Variants in DAPK1 observed in about 807,000 individuals in gnomAD.
DAPK1 encodes the protein death-associated protein kinase 1.
A neutral mutation model predicts 144.9 loss-of-function variants in DAPK1; 56 were observed. That is an observed-to-expected ratio of 0.39 (90% confidence interval 0.31 to 0.48). The LOEUF is 0.48. Ranked by LOEUF, DAPK1 falls within the 20% of genes least tolerant of loss-of-function variation. The pLI, the probability that DAPK1 is intolerant of heterozygous loss-of-function variation, is 0.95. For synonymous variants in DAPK1, 690 were observed against 749.0 expected (o/e 0.92, Z 1.29); for missense variants, 1,454 against 1,875.4 (o/e 0.78, Z 4.15).
rs551668443 is a variant in DAPK1 at position 87,642,191 on chromosome 9, T to C, written c.918+133T>C. On this transcript the variant is annotated intron_variant, in intron 10 of 25. Coordinates refer to ENST00000408954, the MANE Select transcript of DAPK1 (RefSeq NM_004938.4). ...TTCCTCTTTTTAATCCACCCTGTAG[T>C]GTTCTGCACCATTACTCTATTTTGA... is the stretch of plus-strand genomic sequence containing the variant. 18 of 596,022 alleles carry C rather than the reference T, an allele frequency of 3.0e-5. No homozygotes were observed. The East Asian group carries it at 5.0e-4, about 16-fold the overall frequency. 36.9% of individuals were successfully genotyped at this position (596,022 alleles called of 1,614,324 possible).
At chr9:87,591,056 G>A (rs1828115901) in intron 2 of DAPK1, among the ~76,000 whole-genome samples, 1 of 152,162 alleles carries the variant, frequency 6.6e-6, no homozygotes, top group African/African-American at 2.4e-5. Context: ...AAATATTTAG[G>A]TTATGCTCCA....
At chr9:87,600,800 G>A (rs577678296) in intron 2 of DAPK1, among the ~76,000 whole-genome samples, 19 of 146,914 alleles carry the variant, frequency 1.3e-4, no homozygotes, top group East Asian at 1.9e-4. Flanking sequence ...CATCCGTATC[G>A]TTGTTAATTA....
At chr9:87,549,078 C>A (rs997961361) in intron 2 of DAPK1, among the ~76,000 whole-genome samples, 1 of 152,068 alleles carries the variant, frequency 6.6e-6, no homozygotes, top group Admixed American at 6.5e-5. Context: ...AGCTATTCTT[C>A]CTGATGCTCT....
chr9:87,530,797 G>A (rs989731068), intron 2 of DAPK1, among the ~76,000 whole-genome samples: 1 of 152,098 alleles, frequency 6.6e-6, no homozygotes, highest in Non-Finnish European at 1.5e-5. Flanking sequence ...TGTCGCAGGT[G>A]GGAACAAACA....
chr9:87,529,070 A>G lies in DAPK1; in HGVS notation c.62+29931A>G, dbSNP rs548437994. 4.6e-5 allele frequency among the ~76,000 whole-genome samples: 7 copies of G among 152,282 alleles called. No individual in the cohort carries two copies. In the South Asian group the frequency reaches 1.0e-3, roughly 23 times the overall value. On this transcript the variant is annotated intron_variant, in intron 2 of 25. Coordinates refer to ENST00000408954, the MANE Select transcript of DAPK1 (RefSeq NM_004938.4). ...TGCTGGCAGGCTACTAAGCATGCAG[A>G]CAGCCACCCCATGGGAAGAATCAGG...
At chr9:87,554,039 T>C (rs1446116393) in intron 2 of DAPK1, 1 of 151,558 alleles carries the variant, frequency 6.6e-6, no homozygotes, top group African/African-American at 2.4e-5. Context: ...AGTTGAGAGC[T>C]ATGTGCTCCC....
At chr9:87,631,277 A>G (rs1176687354) in intron 3 of DAPK1, among the ~76,000 whole-genome samples, 1 of 152,216 alleles carries the variant, frequency 6.6e-6, no homozygotes, top group African/African-American at 2.4e-5. Flanking sequence ...GGCAATTCCT[A>G]GCAAAAGTCA....
At chr9:87,579,988 C>T (rs908313059) in intron 2 of DAPK1, among the ~76,000 whole-genome samples, 6 of 152,120 alleles carry the variant, frequency 3.9e-5, no homozygotes, top group Non-Finnish European at 7.3e-5. Context: ...CAAGTGGTGG[C>T]TTGGTGGGGA....
rs370279776 is a variant in DAPK1 at position 87,561,264 on chromosome 9, C to T, written c.63-43690C>T. ...ATATGTGGCCGGGCGTAGTGGCTCA[C>T]GCTTGTAATCCCAGCACTTTGGGAG... On this transcript the variant is annotated intron_variant, in intron 2 of 25. Transcript: ENST00000408954. Among the ~76,000 whole-genome samples the T allele has an allele frequency of 4.9e-3, 747 of 152,264 alleles. 13 individuals are homozygous for T. Among genetic ancestry groups the T allele is most frequent in the African/African-American group, 0.017 (686 of 41,562 alleles).
intron 2 of DAPK1, among the ~76,000 whole-genome samples, chr9:87,555,508 T>TA (rs1012547511): frequency 6.9e-6 from 1 of 145,262 alleles, no homozygotes; most frequent in Non-Finnish European, 1.5e-5. Context: ...ATTTAGTTAT[T>TA]TTTTTTTTTT....
chr9:87,548,859 T>C (rs942373489), intron 2 of DAPK1, among the ~76,000 whole-genome samples: 2 of 150,648 alleles, frequency 1.3e-5, no homozygotes, highest in African/African-American at 4.9e-5. Flanking sequence ...CCACAGTAGG[T>C]TGTAAAGAAT....
intron 3 of DAPK1, among the ~76,000 whole-genome samples, chr9:87,606,445 C>T (rs368108457): frequency 1.3e-5 from 2 of 151,720 alleles, no homozygotes; most frequent in Admixed American, 6.6e-5. Flanking sequence ...AATATGCTCC[C>T]TCCCTCCCTT....
intron 13 of DAPK1, 46 bp downstream of exon 13, chr9:87,646,605 A>C: frequency 6.7e-7 from 1 of 1,497,196 alleles, no homozygotes; most frequent in Non-Finnish European, 9.3e-7. Flanking sequence ...AAGTATTTTC[A>C]AGTGTCTCTT....
chr9:87,501,308 C>T (rs138835993), intron 2 of DAPK1, among the ~76,000 whole-genome samples: 1 of 152,200 alleles, frequency 6.6e-6, no homozygotes, highest in East Asian at 1.9e-4. Context: ...ATCACGAGGT[C>T]AGGAGTTCAA....
chr9:87,596,814 G>T (rs942277507), intron 2 of DAPK1, among the ~76,000 whole-genome samples: 2 of 152,188 alleles, frequency 1.3e-5, no homozygotes, highest in Non-Finnish European at 2.9e-5. Context: ...ACTCCAAAAC[G>T]TGGTAGTTGA....
chr9:87,625,153 C>CTTTGTTTGTTTGTTTGTT (rs200132375), intron 3 of DAPK1, among the ~76,000 whole-genome samples: 1 of 151,890 alleles, frequency 6.6e-6, no homozygotes, highest in Admixed American at 6.6e-5. Context: ...CTCACAGAAA[C>CTTTGTTTGTTTGTTTGTT]AGTTTGTTAA....
At chr9:87,506,066 G>A (rs1824579140) in intron 2 of DAPK1, among the ~76,000 whole-genome samples, 1 of 152,194 alleles carries the variant, frequency 6.6e-6, no homozygotes, top group African/African-American at 2.4e-5. Flanking sequence ...TGTTTAGACA[G>A]GTCAAGTGGC....
chr9:87,658,372 C>T (rs1248277151), intron 18 of DAPK1, among the ~76,000 whole-genome samples: 3 of 152,178 alleles, frequency 2.0e-5, no homozygotes, highest in Non-Finnish European at 4.4e-5. Context: ...CGCTGCTTCC[C>T]GCTGGCCTTT....
intron 11 of DAPK1, among the ~76,000 whole-genome samples, chr9:87,645,331 A>G (rs1425166179): frequency 6.6e-6 from 1 of 152,044 alleles, no homozygotes; most frequent in Non-Finnish European, 1.5e-5. Context: ...TATTGTTTTA[A>G]TTTTTATTTT....
Sources: allele counts gnomAD v4.1 joint callset (sites outside exome capture counted in the v4.1 genomes callset), GRCh38; gene constraint gnomAD v4.1.1; transcripts MANE v1.5; gene names NCBI Gene and HGNC (gene_info 2026-07-23, HGNC 2026-07-21).